SINHCAF: variants seen among roughly 807,000 people sequenced by gnomAD.
SINHCAF encodes the protein SIN3-HDAC complex associated factor.
In SINHCAF, 3 loss-of-function variants were observed where a neutral mutation model predicts 25.8. That is an observed-to-expected ratio of 0.12 (90% confidence interval 0.05 to 0.30). SINHCAF has a LOEUF of 0.30. Among genes scored for constraint, SINHCAF ranks in the 10% least tolerant of loss-of-function variants. The pLI is 1.00. For missense variants in SINHCAF, 121 were observed against 262.3 expected, an observed-to-expected ratio of 0.46 and a Z score of 3.72; for synonymous variants, 70 against 85.5, an observed-to-expected ratio of 0.82 and a Z score of 1.00.
rs573781911 is a variant in SINHCAF at position 31,282,618 on chromosome 12, G to A, written c.*94C>T. The A allele has an allele frequency of 3.8e-4, 425 of 1,127,782 alleles. 1 individual carries two copies. The African/African-American group carries it at 5.4e-3, about 14-fold the overall frequency. 69.9% of individuals were successfully genotyped at this position (1,127,782 alleles called of 1,614,324 possible). On this transcript the variant is annotated 3_prime_UTR_variant, in exon 6 of 6. Coordinates refer to ENST00000337682, the MANE Select transcript of SINHCAF (RefSeq NM_001135812.2). Reference sequence around the variant, plus strand: ...GCCTGGGTAACAAGAGCAAAACTCCGTCTCAAAAAAAAAAGAGGGTCAGTT... The same window carrying A: ...GCCTGGGTAACAAGAGCAAAACTCCATCTCAAAAAAAAAAGAGGGTCAGTT...
At chr12:31,296,280 C>A (rs1306798415) in intron 2 of SINHCAF, among the ~76,000 whole-genome samples, 1 of 152,048 alleles carries the variant, frequency 6.6e-6, no homozygotes, top group Non-Finnish European at 1.5e-5. Flanking sequence ...ATCCTCCCAC[C>A]TCAGCCTCCC....
intron 1 of SINHCAF, among the ~76,000 whole-genome samples, chr12:31,317,666 C>A (rs1939544491): frequency 6.6e-6 from 1 of 151,516 alleles, no homozygotes; most frequent in Admixed American, 6.6e-5. Flanking sequence ...GTTATCAAGA[C>A]ACACCTTAAG....
chr12:31,302,215 A>T (rs892142393), intron 1 of SINHCAF, among the ~76,000 whole-genome samples: 1 of 152,054 alleles, frequency 6.6e-6, no homozygotes. Context: ...ATCAAGAAAA[A>T]CTTAAAATAC....
At chr12:31,283,789 C>T (rs527586564) in intron 5 of SINHCAF, among the ~76,000 whole-genome samples, 181 of 151,172 alleles carry the variant, frequency 1.2e-3, no homozygotes, top group African/African-American at 4.2e-3. Flanking sequence ...TTATCACTCC[C>T]TTTTCTTTAT....
Position 31,324,075 on chromosome 12 carries a change from C to T in SINHCAF, c.-21+1949G>A, listed in dbSNP as rs1166598838. On this transcript the variant is annotated intron_variant, in intron 1 of 5. Transcript: ENST00000337682. The surrounding 1 kb of genome is among the most constrained non-coding windows in gnomAD (Gnocchi z 5.5). ...TCTCGCGTCGGGAGGAAAGTTCCTG[C>T]GGGGGCCGCTCGCCGGGGCGAGGGC... 1 of 453,972 alleles carries T rather than the reference C, an allele frequency of 2.2e-6. No individual in the cohort carries two copies. Among genetic ancestry groups the T allele is most frequent in the South Asian group, 1.6e-5 (1 of 64,468 alleles). 28.1% of individuals were successfully genotyped at this position (453,972 alleles called of 1,614,324 possible). A position where few individuals can be genotyped will look rare whatever the true frequency, so the allele number is the denominator to read the frequency against.
chr12:31,284,675 C>T (rs13328978), intron 5 of SINHCAF, among the ~76,000 whole-genome samples: 2,670 of 152,200 alleles, frequency 0.018, 50 homozygotes, highest in African/African-American at 0.043. Flanking sequence ...CCATGTTGTT[C>T]TTAATATCCT....
intron 1 of SINHCAF, among the ~76,000 whole-genome samples, chr12:31,322,267 G>A (rs1939724528): frequency 6.6e-6 from 1 of 152,148 alleles, no homozygotes; most frequent in Non-Finnish European, 1.5e-5. Context: ...AGCTCTGTAT[G>A]TAGTATATGA....
chr12:31,283,056 T>C lies in SINHCAF; in HGVS notation c.507-185A>G, dbSNP rs567377961. 1.2e-3 allele frequency among the ~76,000 whole-genome samples: 181 copies of C among 152,262 alleles called. 1 individual carries two copies. Among genetic ancestry groups the C allele is most frequent in the Admixed American group, 0.012 (177 of 15,284 alleles). ...TAGCTAGAGAAGGGGAATTACCCAG[T>C]TGCCTTAAAGGCCACACTGGAATCT... On this transcript the variant is annotated intron_variant, in intron 5 of 5. Coordinates refer to ENST00000337682, the MANE Select transcript of SINHCAF (RefSeq NM_001135812.2).
At chr12:31,293,760 T>C (rs774291850) in intron 4 of SINHCAF, 45 bp downstream of exon 4, 1 of 1,518,266 alleles carries the variant, frequency 6.6e-7, no homozygotes, top group Non-Finnish European at 8.8e-7. Flanking sequence ...CAGCCAAAAA[T>C]AACAAAACAA....
Position 31,305,696 on chromosome 12 carries a change from AT to A in SINHCAF, c.-20-7473del, listed in dbSNP as rs751436938. ...AATCAAAATACGGAAATATAGGCCAATTTTTTTTTTTTTTTTTTTTTGAGAC... is the reference window on the plus strand; with the variant it reads ...AATCAAAATACGGAAATATAGGCCAATTTTTTTTTTTTTTTTTTTTGAGAC... On this transcript the variant is annotated intron_variant, in intron 1 of 5. Transcript: ENST00000337682. Among the ~76,000 whole-genome samples, 768 of 130,752 alleles carry A rather than the reference AT, an allele frequency of 5.9e-3. 3 individuals carry two copies. Among genetic ancestry groups the A allele is most frequent in the African/African-American group, 0.011 (393 of 35,312 alleles). 85.8% of individuals were successfully genotyped at this position (130,752 alleles called of 152,430 possible). A position where few individuals can be genotyped will look rare whatever the true frequency, so the allele number is the denominator to read the frequency against.
At chr12:31,319,408 A>G (rs949407879) in intron 1 of SINHCAF, among the ~76,000 whole-genome samples, 3 of 152,188 alleles carry the variant, frequency 2.0e-5, no homozygotes, top group African/African-American at 7.2e-5. Flanking sequence ...TGCGCCTGTA[A>G]TCCCAGCTAC....
chr12:31,322,904 A>G (rs1939755248), intron 1 of SINHCAF, among the ~76,000 whole-genome samples: 2 of 152,348 alleles, frequency 1.3e-5, no homozygotes, highest in Admixed American at 1.3e-4. Flanking sequence ...TCAAACCAGC[A>G]TAATTTTTGA....
intron 1 of SINHCAF, among the ~76,000 whole-genome samples, chr12:31,299,596 G>A (rs939497590): frequency 8.5e-5 from 13 of 152,120 alleles, no homozygotes; most frequent in Non-Finnish European, 2.9e-5. Flanking sequence ...GATTACAGGC[G>A]TGAGCCACCG....
chr12:31,300,610 T>C (rs1190787774), intron 1 of SINHCAF, among the ~76,000 whole-genome samples: 1 of 152,058 alleles, frequency 6.6e-6, no homozygotes, highest in Non-Finnish European at 1.5e-5. Flanking sequence ...ACCCATATGA[T>C]AACTGAAAAG....
intron 1 of SINHCAF, among the ~76,000 whole-genome samples, chr12:31,306,790 G>A (rs763824305): frequency 1.3e-5 from 2 of 152,174 alleles, no homozygotes; most frequent in Non-Finnish European, 2.9e-5. Context: ...TCTTTCCATA[G>A]CATTCCAAAG....
chr12:31,307,940 T>C (rs764962877), intron 1 of SINHCAF, among the ~76,000 whole-genome samples: 1 of 151,888 alleles, frequency 6.6e-6, no homozygotes, highest in Non-Finnish European at 1.5e-5. Context: ...TGCTGGGGCA[T>C]TTATTAACCT....
At chr12:31,323,467 A>T (rs993037632) in intron 1 of SINHCAF, among the ~76,000 whole-genome samples, 3 of 152,226 alleles carry the variant, frequency 2.0e-5, no homozygotes, top group Non-Finnish European at 2.9e-5. Context: ...ACAACTTAAG[A>T]AGGGGGAGAA....
At chr12:31,287,407 A>G (rs1462617112) in intron 5 of SINHCAF, among the ~76,000 whole-genome samples, 2 of 152,148 alleles carry the variant, frequency 1.3e-5, no homozygotes, top group African/African-American at 4.8e-5. Context: ...TACTCCACTT[A>G]TCTAGCAATA....
intron 3 of SINHCAF, 111 bp from the exon 4 acceptor site, chr12:31,294,042 T>A: frequency 1.4e-6 from 1 of 705,068 alleles, no homozygotes. Flanking sequence ...GAAAAGAGGA[T>A]GAAGCTCCAT....
Sources: allele counts gnomAD v4.1 joint callset (sites outside exome capture counted in the v4.1 genomes callset), GRCh38; gene constraint gnomAD v4.1.1; non-coding constraint Gnocchi (gnomAD v3.1); transcripts MANE v1.5; gene names NCBI Gene and HGNC (gene_info 2026-07-23, HGNC 2026-07-21).